The following ACBD3 variants were observed in gnomAD, a reference collection of about 807,000 sequenced individuals.
ACBD3 encodes the protein acyl-CoA binding domain containing 3.
ACBD3 carries 30 observed loss-of-function variants against 66.9 expected under a neutral mutation model. That is an observed-to-expected ratio of 0.45 (90% CI 0.34 to 0.61). The LOEUF (loss-of-function observed/expected upper bound fraction) is 0.61. Among genes scored for constraint, ACBD3 ranks in the 20% least tolerant of loss-of-function variants. The probability of loss-of-function intolerance (pLI) is 0.02; values close to 1 mark genes in which losing one functional copy is unlikely to be tolerated. For missense variants in ACBD3, 544 were observed against 664.5 expected, an observed-to-expected ratio of 0.82 and a Z score of 1.99; for synonymous variants, 278 against 259.8, an observed-to-expected ratio of 1.07 and a Z score of -0.68.
Position 226,146,741 on chromosome 1 carries a change from C to A in ACBD3, c.1456G>T (p.Asp486Tyr), listed in dbSNP as rs1159141029. The A allele has an allele frequency of 6.2e-7, 1 of 1,614,084 alleles. No homozygotes were observed. The highest frequency in any genetic ancestry group is 2.2e-5 in the East Asian group (1 of 44,880). Residue 486 changes from aspartate to tyrosine, a missense_variant, in exon 8 of 8, where the codon GAC becomes TAC. Asp to Tyr is a radical substitution (Grantham distance 160). Transcript: ENST00000366812. ...CCAGCATACACCTCCTCATGACAGT[C>A]CCGTCGGTACACAGGCACAATCTCA... ...LDEIVPVYRR[D>Y]CHEEVYAGSH...
intron 1 of ACBD3, among the ~76,000 whole-genome samples, chr1:226,179,004 T>A (rs1452227548): frequency 6.6e-6 from 1 of 152,180 alleles, no homozygotes; most frequent in African/African-American, 2.4e-5. Context: ...CTCAAGAAAG[T>A]CACAAAATAT....
intron 7 of ACBD3, among the ~76,000 whole-genome samples, chr1:226,149,738 C>T (rs1231205847): frequency 6.6e-6 from 1 of 151,306 alleles, no homozygotes; most frequent in Non-Finnish European, 1.5e-5. Context: ...GACAGGGTTT[C>T]ATCATGTTGC....
chr1:226,156,248 A>G (rs557940093), intron 5 of ACBD3, among the ~76,000 whole-genome samples: 1 of 152,302 alleles, frequency 6.6e-6, no homozygotes, highest in Non-Finnish European at 1.5e-5. Context: ...CTATTTTAAA[A>G]CTTTAAAGAA....
intron 3 of ACBD3, among the ~76,000 whole-genome samples, chr1:226,162,752 T>G (rs1234338678): frequency 2.0e-5 from 3 of 151,874 alleles, no homozygotes; most frequent in African/African-American, 7.3e-5. Flanking sequence ...GATTAACAAC[T>G]ACCTGAGCCA....
chr1:226,154,510 TAA>T (rs956700908), intron 6 of ACBD3, 135 bp downstream of exon 6: 2 of 1,005,404 alleles, frequency 2.0e-6, no homozygotes, highest in African/African-American at 3.3e-5. Context: ...AGATTCAGAC[TAA>T]AAAGAGTAAA....
Position 226,186,706 on chromosome 1 carries a change from A to G in ACBD3, c.-31T>C. 1 of 1,452,866 alleles carries G rather than the reference A, an allele frequency of 6.9e-7. No individual in the cohort carries two copies. The highest frequency in any genetic ancestry group is 9.0e-7 in the Non-Finnish European group (1 of 1,107,370). The allele number at this position is 1,452,866 out of a possible 1,614,324, so 90.0% of individuals were successfully genotyped here. The stretch of plus-strand genomic sequence containing the variant: ...GCTGCTGCACCTCCTCAGCGGGGAC[A>G]GACGGCAGCCACGTATCGACTTCCT... On this transcript the variant is annotated 5_prime_UTR_variant, in exon 1 of 8. Coordinates refer to ENST00000366812, the MANE Select transcript of ACBD3 (RefSeq NM_022735.4).
At chr1:226,167,502 A>G (rs925394931) in intron 1 of ACBD3, among the ~76,000 whole-genome samples, 3 of 152,206 alleles carry the variant, frequency 2.0e-5, no homozygotes, top group African/African-American at 7.2e-5. Flanking sequence ...GAGTGCGACC[A>G]GTTTGACCAA....
At chr1:226,149,157 T>TA (rs1659513233) in intron 7 of ACBD3, among the ~76,000 whole-genome samples, 1 of 152,030 alleles carries the variant, frequency 6.6e-6, no homozygotes, top group African/African-American at 2.4e-5. Flanking sequence ...AGCTCTCTAA[T>TA]AGGCAAGCCA....
chr1:226,183,080 T>A (rs1376528509), intron 1 of ACBD3, among the ~76,000 whole-genome samples: 2 of 152,370 alleles, frequency 1.3e-5, no homozygotes, highest in South Asian at 4.1e-4. Context: ...GGGCTTGTCA[T>A]TTCCAACCCA....
At chr1:226,149,558 T>TTTTTTTTTTTGG (rs1659525715) in intron 7 of ACBD3, among the ~76,000 whole-genome samples, 1 of 134,208 alleles carries the variant, frequency 7.5e-6, no homozygotes, top group African/African-American at 3.0e-5. Flanking sequence ...TTTTTTTTTT[T>TTTTTTTTTTTGG]GAGATGGGGT....
intron 1 of ACBD3, among the ~76,000 whole-genome samples, chr1:226,183,132 C>T (rs1358546562): frequency 1.3e-5 from 2 of 152,094 alleles, no homozygotes; most frequent in Non-Finnish European, 2.9e-5. Context: ...TTTCAAGATT[C>T]GTATTTATTC....
intron 6 of ACBD3, 60 bp from the exon 7 acceptor site, chr1:226,152,679 C>A (rs1659600792): frequency 6.6e-7 from 1 of 1,506,402 alleles, no homozygotes; most frequent in East Asian, 2.3e-5. Context: ...CAGGTAGCCA[C>A]ATTTTCATAG....
intron 1 of ACBD3, among the ~76,000 whole-genome samples, chr1:226,168,867 C>T (rs1553268452): frequency 2.0e-5 from 3 of 152,164 alleles, no homozygotes; most frequent in Non-Finnish European, 2.9e-5. Flanking sequence ...TTCCTTCTCA[C>T]TTTTTATTTG....
intron 7 of ACBD3, among the ~76,000 whole-genome samples, chr1:226,148,951 T>C (rs905402681): frequency 6.6e-6 from 1 of 152,194 alleles, no homozygotes; most frequent in South Asian, 2.1e-4. Flanking sequence ...AATCATTTTA[T>C]GATTAGGAAT....
At chr1:226,166,706 C>T (rs1336485664) in intron 1 of ACBD3, among the ~76,000 whole-genome samples, 2 of 151,914 alleles carry the variant, frequency 1.3e-5, no homozygotes, top group African/African-American at 2.4e-5. Context: ...AGGCTGGTCT[C>T]GGACTCCTGA....
chr1:226,147,913 G>A (rs1312191151), intron 7 of ACBD3: 1 of 152,188 alleles, frequency 6.6e-6, no homozygotes, highest in Non-Finnish European at 1.5e-5. Flanking sequence ...CAGAAGACAA[G>A]ACTTTCGGGT....
At chr1:226,151,900 A>G (rs945156412) in intron 7 of ACBD3, among the ~76,000 whole-genome samples, 2 of 152,020 alleles carry the variant, frequency 1.3e-5, no homozygotes, top group Non-Finnish European at 2.9e-5. Flanking sequence ...CCAGCTACTC[A>G]GGAGGCTGAG....
intron 1 of ACBD3, among the ~76,000 whole-genome samples, chr1:226,174,695 G>C (rs1186246107): frequency 6.6e-6 from 1 of 152,180 alleles, no homozygotes; most frequent in African/African-American, 2.4e-5. Flanking sequence ...GAACCCGGGA[G>C]GCAGACGTTG....
chr1:226,183,332 C>A (rs957231761), intron 1 of ACBD3, among the ~76,000 whole-genome samples: 5 of 152,040 alleles, frequency 3.3e-5, no homozygotes, highest in African/African-American at 1.2e-4. Flanking sequence ...CCTGCCACCA[C>A]GCCCAGCTAA....
Sources: gnomAD v4.1 joint callset for allele counts (sites outside exome capture counted in the v4.1 genomes callset) on GRCh38, gnomAD v4.1.1 for gene constraint, MANE v1.5 for transcripts, NCBI Gene and HGNC (gene_info 2026-07-23, HGNC 2026-07-21) for gene names.